The following CREG2 variants were observed in gnomAD, a reference collection of about 807,000 sequenced individuals.
CREG2 encodes protein CREG2.
Under a neutral mutation model 26.2 loss-of-function variants are expected in CREG2, and 24 were observed. The observed-to-expected ratio is 0.92, with a 90% CI of 0.66 to 1.29. The LOEUF is 1.29. Ranked by LOEUF, CREG2 falls within the 50% of genes most tolerant of loss-of-function variation. The pLI, the probability that CREG2 is intolerant of heterozygous loss-of-function variation, is 0.00. For synonymous variants in CREG2, 174 were observed against 169.2 expected (o/e 1.03, Z -0.22); for missense variants, 366 against 398.6 (o/e 0.92, Z 0.70).
chr2:101,362,098 A>G (rs1398924456), intron 2 of CREG2, among the ~76,000 whole-genome samples: 1 of 152,172 alleles, frequency 6.6e-6, no homozygotes, highest in Non-Finnish European at 1.5e-5. Context: ...GGACCGGCAC[A>G]ACAGCAAATT....
At chr2:101,369,324 G>A (rs1446555713) in intron 2 of CREG2, among the ~76,000 whole-genome samples, 1 of 152,150 alleles carries the variant, frequency 6.6e-6, no homozygotes, top group African/African-American at 2.4e-5. Flanking sequence ...GGGTGGGGGT[G>A]TGAGAGGGAG....
At chr2:101,352,156 A>G (rs1684394369) in intron 3 of CREG2, among the ~76,000 whole-genome samples, 1 of 152,124 alleles carries the variant, frequency 6.6e-6, no homozygotes. Context: ...TGCTGGAATT[A>G]TAGGTGTGTG....
intron 3 of CREG2, 117 bp downstream of exon 3, chr2:101,355,136 C>G: frequency 1.5e-6 from 1 of 683,762 alleles, no homozygotes; most frequent in Non-Finnish European, 2.6e-6. Context: ...CTATTCCCAC[C>G]GAAGGGCAGT....
At chr2:101,381,523 G>A (rs1005156747) in intron 2 of CREG2, among the ~76,000 whole-genome samples, 1 of 152,228 alleles carries the variant, frequency 6.6e-6, no homozygotes, top group African/African-American at 2.4e-5. Context: ...TGCTTGGTAA[G>A]CTTTGCATTG....
intron 2 of CREG2, among the ~76,000 whole-genome samples, chr2:101,363,652 A>G (rs1301525260): frequency 6.6e-6 from 1 of 152,198 alleles, no homozygotes; most frequent in Non-Finnish European, 1.5e-5. Context: ...TGAACAAATG[A>G]CATTAAAATA....
Position 101,387,362 on chromosome 2 carries a change from G to C in CREG2, c.96C>G (p.Tyr32Ter). The stretch of plus-strand genomic sequence containing the variant: ...CCCAAGACACGGAGCTCACGATCAC[G>C]TAGCCCGCGGCCGGGGACAGCAGGG... ...CSALLSPAAGYVIVSSVSWAV... is the reference protein window; with the variant it reads ...CSALLSPAAG The change falls in exon 1 of 4, where the codon TAC becomes TAG. Residue 32 changes from tyrosine (Y) to a stop codon, truncating the protein, a stop_gained. Transcript: ENST00000324768. LOFTEE classifies it high-confidence loss of function. This position sits in a 1 kb window ranked among gnomAD's most constrained non-coding sequence, Gnocchi z 4.7. 1.1e-5 allele frequency: 16 copies of C among 1,471,280 alleles called. No homozygotes were observed. The highest frequency in any genetic ancestry group is 1.5e-5 in the Non-Finnish European group (16 of 1,102,536). 91.1% of individuals were successfully genotyped at this position (1,471,280 alleles called of 1,614,324 possible).
At chr2:101,355,138 A>G in intron 3 of CREG2, 115 bp downstream of exon 3, 1 of 690,776 alleles carries the variant, frequency 1.4e-6, no homozygotes, top group Non-Finnish European at 2.6e-6. Context: ...ATTCCCACCG[A>G]AGGGCAGTGG....
intron 2 of CREG2, among the ~76,000 whole-genome samples, chr2:101,377,176 G>A (rs185319445): frequency 1.1e-4 from 16 of 152,004 alleles, no homozygotes; most frequent in Admixed American, 1.0e-3. Flanking sequence ...AATCTCTAAT[G>A]TGAAAATATA....
chr2:101,387,316 C>T lies in CREG2; in HGVS notation c.142G>A (p.Glu48Lys), dbSNP rs373643534. The change falls in exon 1 of 4, where the codon GAG becomes AAG. Residue 48 changes from glutamate to lysine, a missense_variant. By Grantham distance (56) the Glu-to-Lys change is moderately conservative. Transcript: ENST00000324768. This position sits in a 1 kb window ranked among gnomAD's most constrained non-coding sequence, Gnocchi z 4.7. The part of the protein sequence containing the change: ...VSWAVTNEVD[E>K]ELDSASTEEA... ...TCAGTGGAGGCGCTGTCCAGCTCCT[C>T]GTCCACCTCGTTGGTGACGGCCCAA... 27 of 1,495,054 alleles carry T rather than the reference C, an allele frequency of 1.8e-5. No individual in the cohort carries two copies. Among genetic ancestry groups the T allele is most frequent in the African/African-American group, 1.0e-4 (7 of 69,474 alleles). The allele number at this position is 1,495,054 out of a possible 1,614,324, so 92.6% of individuals were successfully genotyped here.
At chr2:101,352,440 G>T (rs1043164769) in intron 3 of CREG2, among the ~76,000 whole-genome samples, 6 of 152,146 alleles carry the variant, frequency 3.9e-5, no homozygotes, top group African/African-American at 1.4e-4. Flanking sequence ...AATCCATGGG[G>T]CACTGGCTCT....
At chr2:101,364,980 G>A (rs551257127) in intron 2 of CREG2, among the ~76,000 whole-genome samples, 2 of 152,360 alleles carry the variant, frequency 1.3e-5, no homozygotes, top group Middle Eastern at 3.4e-3. Context: ...GGTTGCACAA[G>A]CAAGAAGCGT....
At position 101,355,302 on chromosome 2, in the gene CREG2, C is replaced by T. The variant is rs145267496; in HGVS notation, c.676G>A (p.Ala226Thr). 12 of 1,613,776 alleles carry T rather than the reference C, an allele frequency of 7.4e-6. No homozygotes were observed. The highest frequency in any genetic ancestry group is 1.0e-5 in the Non-Finnish European group (12 of 1,179,820). Residue 226 changes from alanine to threonine, a missense_variant, in exon 3 of 4, where the codon GCA becomes ACA. Ala to Thr is a moderately conservative substitution (Grantham distance 58, BLOSUM62 0). Around this residue, in one of 3 missense-constraint regions of CREG2, gnomAD observed 174 missense variants for 178.2 expected, o/e 0.98. Coordinates refer to ENST00000324768, the MANE Select transcript of CREG2 (RefSeq NM_153836.4). ...AATTCTACTTCTTCTGGAGACACTG[C>T]GATCATCTGGCCAGTGAGCGTTAAC... The part of the protein sequence containing the change: ...VQLTLTGQMI[A>T]VSPEEVEFAK...
In CREG2 at chr2:101,387,062, A is replaced by G; in HGVS notation, c.396T>C (p.His132=). ...LRAATARSLA[H]ASVWGCLATV... ...TGGCCAGGCAGCCCCAGACGCTGGCATGGGCCAGGGAGCGGGCGGTGGCGG... is the reference window on the plus strand; with the variant it reads ...TGGCCAGGCAGCCCCAGACGCTGGCGTGGGCCAGGGAGCGGGCGGTGGCGG... The change falls in exon 1 of 4, where the codon CAT becomes CAC. Residue 132 remains histidine (H), a synonymous_variant. Transcript: ENST00000324768. This position sits in a 1 kb window ranked among gnomAD's most constrained non-coding sequence, Gnocchi z 4.7. The G allele has an allele frequency of 2.4e-6, 3 of 1,232,888 alleles. No homozygotes were observed. The highest frequency in any genetic ancestry group is 4.2e-5 in the Admixed American group (1 of 23,672). The allele number at this position is 1,232,888 out of a possible 1,614,324, so 76.4% of individuals were successfully genotyped here.
At chr2:101,378,272 A>G (rs1684820190) in intron 2 of CREG2, among the ~76,000 whole-genome samples, 1 of 152,234 alleles carries the variant, frequency 6.6e-6, no homozygotes, top group African/African-American at 2.4e-5. Context: ...GACTTAAGCC[A>G]TCCTGGGCCT....
intron 3 of CREG2, among the ~76,000 whole-genome samples, chr2:101,353,577 C>A (rs1197659587): frequency 6.6e-6 from 1 of 152,110 alleles, no homozygotes; most frequent in African/African-American, 2.4e-5. Flanking sequence ...GGATCTAGAA[C>A]CAGAAATATC....
At chr2:101,355,438 TA>T in intron 2 of CREG2, 72 bp from the exon 3 acceptor site, 1 of 941,840 alleles carries the variant, frequency 1.1e-6, no homozygotes, top group South Asian at 1.4e-5. Flanking sequence ...AACGATTTTA[TA>T]AACTTAAAAA....
chr2:101,386,642 G>C lies in CREG2; in HGVS notation c.441+375C>G, dbSNP rs557420015. 1.1e-4 allele frequency among the ~76,000 whole-genome samples: 16 copies of C among 152,164 alleles called. No homozygotes were observed. In the South Asian group the frequency reaches 3.1e-3, roughly 30 times the overall value. On this transcript the variant is annotated intron_variant, in intron 1 of 3. Coordinates refer to ENST00000324768, the MANE Select transcript of CREG2 (RefSeq NM_153836.4). The stretch of plus-strand genomic sequence containing the variant: ...TCAGGTCTATGGGTTTGTGCCCTGC[G>C]CTGGGAAGGGCTGTCCCCGCCTACT...
chr2:101,384,086 C>G (rs1684926864), intron 1 of CREG2, among the ~76,000 whole-genome samples: 1 of 152,160 alleles, frequency 6.6e-6, no homozygotes, highest in African/African-American at 2.4e-5. Context: ...GTTACAGCCC[C>G]ACCGCTTTAA....
intron 2 of CREG2, among the ~76,000 whole-genome samples, chr2:101,365,176 A>C (rs968099139): frequency 2.0e-5 from 3 of 152,192 alleles, no homozygotes; most frequent in African/African-American, 7.2e-5. Flanking sequence ...TGCCAGTTTT[A>C]TTCCTGTTCC....
Sources: allele counts gnomAD v4.1 joint callset (sites outside exome capture counted in the v4.1 genomes callset), GRCh38; gene constraint gnomAD v4.1.1; regional missense constraint gnomAD v4.1.1; non-coding constraint Gnocchi (gnomAD v3.1); transcripts MANE v1.5; gene names NCBI Gene and HGNC (gene_info 2026-07-23, HGNC 2026-07-21).